C1orf21: variants seen among roughly 807,000 people sequenced by gnomAD.
C1orf21 encodes uncharacterized protein C1orf21.
A neutral mutation model predicts 18.7 loss-of-function variants in C1orf21; 3 were observed. That is an observed-to-expected ratio of 0.16 (90% CI 0.07 to 0.42). C1orf21 has a LOEUF of 0.42. C1orf21 is among the 10% of genes least tolerant of loss of function. The pLI is 0.99. For missense variants in C1orf21, 104 were observed against 143.6 expected, an observed-to-expected ratio of 0.72 and a Z score of 1.41; for synonymous variants, 41 against 46.4, an observed-to-expected ratio of 0.88 and a Z score of 0.47.
intron 3 of C1orf21, among the ~76,000 whole-genome samples, chr1:184,548,214 AACACACACACACACACACACAC>A (rs58174774): frequency 4.3e-5 from 6 of 139,984 alleles, no homozygotes; most frequent in Non-Finnish European, 6.2e-5. Context: ...TCAAATCCCC[AACACACACACACACACACACAC>A]ACACACACAC....
chr1:184,435,483 A>G (rs987937796), intron 1 of C1orf21, among the ~76,000 whole-genome samples: 6 of 152,152 alleles, frequency 3.9e-5, no homozygotes, highest in Non-Finnish European at 1.5e-5. Flanking sequence ...AGCTGGGATT[A>G]CAGACATGCA....
In C1orf21 at chr1:184,459,991, C is replaced by A. The variant is rs148221750; in HGVS notation, c.-124-17395C>A. Among the ~76,000 whole-genome samples, 164 of 152,318 alleles carry A rather than the reference C, an allele frequency of 1.1e-3. 1 individual carries two copies. The East Asian group carries it at 0.029, about 27-fold the overall frequency. On this transcript the variant is annotated intron_variant, in intron 1 of 5. Coordinates refer to ENST00000235307, the MANE Select transcript of C1orf21 (RefSeq NM_030806.4). Reference sequence around the variant, plus strand: ...CTCAGCACACCGTTTCCCTTCACTCCGTTTCTCTCCAGCTCTTGTTCTTCA... The same window carrying A: ...CTCAGCACACCGTTTCCCTTCACTCAGTTTCTCTCCAGCTCTTGTTCTTCA...
chr1:184,467,985 A>AT (rs1657428596), intron 1 of C1orf21, among the ~76,000 whole-genome samples: 2 of 137,738 alleles, frequency 1.5e-5, no homozygotes, highest in Non-Finnish European at 3.0e-5. Flanking sequence ...TAGAGCTTTT[A>AT]TGGTGTGTGT....
chr1:184,572,501 A>C (rs1382506357), intron 3 of C1orf21, among the ~76,000 whole-genome samples: 1 of 152,224 alleles, frequency 6.6e-6, no homozygotes, highest in East Asian at 1.9e-4. Flanking sequence ...ACTGAAGTGA[A>C]ATTTAGAGAA....
chr1:184,621,116 A>T lies in C1orf21; in HGVS notation c.*1560A>T, dbSNP rs147414727. The T allele has an allele frequency of 1.3e-5, 2 of 152,552 alleles. No homozygotes were observed. Among genetic ancestry groups the T allele is most frequent in the African/African-American group, 4.8e-5 (2 of 41,580 alleles). The allele number at this position is 152,552 out of a possible 1,614,324, so 9.4% of individuals were successfully genotyped here. A position where few individuals can be genotyped will look rare whatever the true frequency, so the allele number is the denominator to read the frequency against. On this transcript the variant is annotated 3_prime_UTR_variant, in exon 6 of 6. Transcript: ENST00000235307. The stretch of plus-strand genomic sequence containing the variant: ...TTCTATGTCAATTTGCTCTTGCCGA[A>T]AAGATGAGCCTCGATTTTAAAATCT...
chr1:184,622,985 T>A lies in C1orf21; in HGVS notation c.*3429T>A, dbSNP rs1243381848. ...CCTGCTTTGTTATCTTCTTATAACTTTATCCTGCTATAACTTTATCCTCTT... is the reference window on the plus strand; with the variant it reads ...CCTGCTTTGTTATCTTCTTATAACTATATCCTGCTATAACTTTATCCTCTT... On this transcript the variant is annotated 3_prime_UTR_variant, in exon 6 of 6. Coordinates refer to ENST00000235307, the MANE Select transcript of C1orf21 (RefSeq NM_030806.4). The A allele has an allele frequency of 6.6e-6, 1 of 152,258 alleles. No homozygotes were observed. Among genetic ancestry groups the A allele is most frequent in the African/African-American group, 2.4e-5 (1 of 41,472 alleles). 9.4% of individuals were successfully genotyped at this position (152,258 alleles called of 1,614,324 possible).
At chr1:184,417,629 G>A (rs1413824252) in intron 1 of C1orf21, among the ~76,000 whole-genome samples, 1 of 152,082 alleles carries the variant, frequency 6.6e-6, no homozygotes, top group African/African-American at 2.4e-5. Flanking sequence ...TCAAAATATA[G>A]AACGAACAAG....
chr1:184,606,916 A>G (rs941656551), intron 5 of C1orf21, among the ~76,000 whole-genome samples: 1 of 152,208 alleles, frequency 6.6e-6, no homozygotes. Flanking sequence ...ATAGCAAAGA[A>G]TGAGACATTC....
intron 3 of C1orf21, among the ~76,000 whole-genome samples, chr1:184,549,538 A>G (rs889343694): frequency 6.6e-6 from 1 of 151,676 alleles, no homozygotes; most frequent in African/African-American, 2.4e-5. Flanking sequence ...TGTAGTCTCT[A>G]GTTTTCTGGT....
chr1:184,458,466 G>A (rs1303191711), intron 1 of C1orf21, among the ~76,000 whole-genome samples: 2 of 152,088 alleles, frequency 1.3e-5, no homozygotes, highest in East Asian at 3.9e-4. Flanking sequence ...TTTATCTAAG[G>A]GAGTTAATGT....
chr1:184,571,296 CAAAAAAAAA>C (rs66868646), intron 3 of C1orf21, among the ~76,000 whole-genome samples: 5 of 85,576 alleles, frequency 5.8e-5, no homozygotes, highest in East Asian at 3.3e-4. Flanking sequence ...GACTCCGTCT[CAAAAAAAAA>C]AAAAAAAAAA....
intron 5 of C1orf21, 89 bp from the exon 6 acceptor site, chr1:184,619,429 A>G: frequency 7.2e-7 from 1 of 1,385,080 alleles, no homozygotes; most frequent in Admixed American, 1.8e-5. Context: ...AAGGAGACAT[A>G]TATTGAGAGA....
At chr1:184,435,280 G>C (rs775787761) in intron 1 of C1orf21, among the ~76,000 whole-genome samples, 3 of 152,176 alleles carry the variant, frequency 2.0e-5, no homozygotes, top group Non-Finnish European at 4.4e-5. Flanking sequence ...TGAGCTCAGG[G>C]ATATGGTTCA....
At chr1:184,413,821 A>T (rs1418846389) in intron 1 of C1orf21, among the ~76,000 whole-genome samples, 1 of 152,198 alleles carries the variant, frequency 6.6e-6, no homozygotes, top group African/African-American at 2.4e-5. Flanking sequence ...GTTTGCTGGG[A>T]AGTCAAAAGG....
At chr1:184,507,466 A>G in intron 2 of C1orf21, 122 bp from the exon 3 acceptor site, 1 of 734,262 alleles carries the variant, frequency 1.4e-6, no homozygotes, top group Non-Finnish European at 2.2e-6. Flanking sequence ...TTCCAAATGA[A>G]CCACATATGA....
intron 1 of C1orf21, among the ~76,000 whole-genome samples, chr1:184,398,204 CTG>C (rs1656093053): frequency 6.6e-6 from 1 of 152,214 alleles, no homozygotes; most frequent in Non-Finnish European, 1.5e-5. Flanking sequence ...AGTGATGACT[CTG>C]TGCCTAGGTA....
intron 3 of C1orf21, among the ~76,000 whole-genome samples, chr1:184,536,338 C>CTCACCCCACAGCT (rs1553255044): frequency 6.6e-6 from 1 of 151,820 alleles, no homozygotes; most frequent in African/African-American, 2.4e-5. Flanking sequence ...CTCCACTGTG[C>CTCACCCCACAGCT]TCACCCTGTG....
intron 1 of C1orf21, among the ~76,000 whole-genome samples, chr1:184,428,712 A>G (rs1172639899): frequency 6.6e-6 from 1 of 152,120 alleles, no homozygotes; most frequent in Admixed American, 6.5e-5. Flanking sequence ...CCTTGGGTCT[A>G]GGATGTTTCC....
chr1:184,592,228 C>T (rs1659448265), intron 4 of C1orf21: 1 of 151,858 alleles, frequency 6.6e-6, no homozygotes, highest in Non-Finnish European at 1.5e-5. Flanking sequence ...GTGTTAGGTA[C>T]ATCACAATTG....
Sources: allele counts gnomAD v4.1 joint callset (sites outside exome capture counted in the v4.1 genomes callset), GRCh38; gene constraint gnomAD v4.1.1; transcripts MANE v1.5; gene names NCBI Gene and HGNC (gene_info 2026-07-23, HGNC 2026-07-21).